Variants in CDH20 observed in about 807,000 individuals in gnomAD.
CDH20 encodes the protein cadherin-20.
In CDH20, 29 loss-of-function variants were observed where a neutral mutation model predicts 74.2. That is an observed-to-expected ratio of 0.39 (90% CI 0.29 to 0.53). The LOEUF is 0.53. CDH20 is among the 20% of genes least tolerant of loss of function. The pLI, the probability that CDH20 is intolerant of heterozygous loss-of-function variation, is 0.69. For missense variants in CDH20, 988 were observed against 1,048.3 expected (o/e 0.94, Z 0.79); for synonymous variants, 469 against 405.4 (o/e 1.16, Z -1.88).
chr18:61,537,581 A>C (rs1005768403), intron 8 of CDH20, among the ~76,000 whole-genome samples: 3 of 152,174 alleles, frequency 2.0e-5, no homozygotes, highest in Non-Finnish European at 4.4e-5. Context: ...TATTTTGCTT[A>C]AATGTAACTT....
intron 6 of CDH20, among the ~76,000 whole-genome samples, chr18:61,522,463 G>A (rs538722794): frequency 7.2e-5 from 11 of 152,178 alleles, no homozygotes; most frequent in Admixed American, 2.0e-4. Flanking sequence ...ATAGGAACAC[G>A]CAATATCGTG....
chr18:61,555,219 T>C lies in CDH20; in HGVS notation c.*524T>C, dbSNP rs186773185. 6 of 971,578 alleles carry C rather than the reference T, an allele frequency of 6.2e-6. No individual in the cohort carries two copies. Among genetic ancestry groups the C allele is most frequent in the Admixed American group, 1.6e-4 (2 of 12,484 alleles). 60.2% of individuals were successfully genotyped at this position (971,578 alleles called of 1,614,324 possible). On this transcript the variant is annotated 3_prime_UTR_variant, in exon 12 of 12. Transcript: ENST00000262717. ...ATTAACCTACTTGTTCTGGGATGGATGGAATTTCCCGTAACCCTTTTGAGA... is the reference window on the plus strand; with the variant it reads ...ATTAACCTACTTGTTCTGGGATGGACGGAATTTCCCGTAACCCTTTTGAGA...
chr18:61,338,025 A>G (rs935135788), intron 1 of CDH20, among the ~76,000 whole-genome samples: 32 of 152,248 alleles, frequency 2.1e-4, no homozygotes, highest in Admixed American at 2.0e-3. Flanking sequence ...ATAAAGAGAA[A>G]TACTTAGTTT....
At chr18:61,537,595 T>G (rs1259049139) in intron 8 of CDH20, among the ~76,000 whole-genome samples, 1 of 152,154 alleles carries the variant, frequency 6.6e-6, no homozygotes, top group African/African-American at 2.4e-5. Flanking sequence ...GTAACTTCTG[T>G]GTCAGGGGGA....
In CDH20 at chr18:61,541,948, T is replaced by C. The variant is rs191003512; in HGVS notation, c.1530+2803T>C. ...GAACAGAGAGCAGGAGAGCGGGCCA[T>C]GCGCTCCCAACCCAGACTTAGCGAT... On this transcript the variant is annotated intron_variant, in intron 9 of 11. Coordinates refer to ENST00000262717, the MANE Select transcript of CDH20 (RefSeq NM_031891.4). 3.9e-5 allele frequency among the ~76,000 whole-genome samples: 6 copies of C among 152,012 alleles called. No homozygotes were observed. The East Asian group carries it at 7.7e-4, about 20-fold the overall frequency.
At chr18:61,462,646 G>C (rs1205309296) in intron 1 of CDH20, among the ~76,000 whole-genome samples, 1 of 140,562 alleles carries the variant, frequency 7.1e-6, no homozygotes, top group Non-Finnish European at 1.5e-5. Flanking sequence ...TCACCAAAAG[G>C]AAACAGAAAT....
intron 1 of CDH20, among the ~76,000 whole-genome samples, chr18:61,390,121 A>G (rs1025166851): frequency 7.5e-5 from 11 of 147,398 alleles, no homozygotes; most frequent in African/African-American, 2.7e-4. Flanking sequence ...GGCAAGCTCC[A>G]CTGCTTCTGC....
intron 1 of CDH20, among the ~76,000 whole-genome samples, chr18:61,399,151 A>G (rs1248761862): frequency 6.6e-6 from 1 of 151,082 alleles, no homozygotes; most frequent in Non-Finnish European, 1.5e-5. Flanking sequence ...GCAGTGACCA[A>G]CCTCTCCGAT....
chr18:61,406,921 A>G (rs1291524660), intron 1 of CDH20, among the ~76,000 whole-genome samples: 2 of 152,226 alleles, frequency 1.3e-5, no homozygotes, highest in African/African-American at 4.8e-5. Context: ...TTATTATTGA[A>G]AAAGCATTGA....
chr18:61,361,761 T>C (rs1253861238), intron 1 of CDH20, among the ~76,000 whole-genome samples: 1 of 152,226 alleles, frequency 6.6e-6, no homozygotes, highest in Non-Finnish European at 1.5e-5. Context: ...TTTTTCATTT[T>C]GTTTTTCTAG....
At chr18:61,378,101 C>T (rs2144173008) in intron 1 of CDH20, among the ~76,000 whole-genome samples, 1 of 152,252 alleles carries the variant, frequency 6.6e-6, no homozygotes, top group South Asian at 2.1e-4. Context: ...TACTGAAGAA[C>T]AGATTGCTCA....
intron 1 of CDH20, among the ~76,000 whole-genome samples, chr18:61,461,913 CCAAT>C (rs1237173004): frequency 1.3e-5 from 2 of 152,098 alleles, no homozygotes; most frequent in East Asian, 3.9e-4. Flanking sequence ...CTTTCCACAA[CCAAT>C]CAGAGGCTAA....
At chr18:61,499,756 C>T (rs1209687844) in intron 3 of CDH20, among the ~76,000 whole-genome samples, 1 of 152,098 alleles carries the variant, frequency 6.6e-6, no homozygotes, top group African/African-American at 2.4e-5. Flanking sequence ...AAAATATTAG[C>T]TAGACAGATT....
At chr18:61,549,732 G>T (rs1478025451) in intron 10 of CDH20, 2 of 442,362 alleles carry the variant, frequency 4.5e-6, no homozygotes, top group African/African-American at 6.0e-5. Context: ...CAAAGGATAA[G>T]ACAGACTCAA....
intron 1 of CDH20, among the ~76,000 whole-genome samples, chr18:61,365,143 T>C (rs925380506): frequency 2.0e-5 from 3 of 152,184 alleles, no homozygotes; most frequent in African/African-American, 7.2e-5. Context: ...CTGTCCTTCA[T>C]TCTACTTTGC....
Position 61,550,133 on chromosome 18 carries a change from C to T in CDH20, c.1804C>T (p.His602Tyr). 1.9e-6 allele frequency: 3 copies of T among 1,614,204 alleles called. No individual in the cohort carries two copies. The highest frequency in any genetic ancestry group is 2.5e-6 in the Non-Finnish European group (3 of 1,180,036). Residue 602 changes from histidine (H) to tyrosine (Y), a missense_variant, in exon 11 of 12, where the codon CAC becomes TAC. By Grantham distance (83) the His-to-Tyr change is moderately conservative. This residue lies in a region of CDH20 where 375 missense variants were observed against 293.1 expected (regional missense o/e 1.28). Transcript: ENST00000262717. ...IQVCSCDDDG[H>Y]VMSCSPEAYM... ...AGTGTGCAGCTGTGATGACGACGGC[C>T]ACGTCATGTCCTGCAGCCCAGAGGC...
intron 1 of CDH20, among the ~76,000 whole-genome samples, chr18:61,397,096 T>C (rs924208049): frequency 2.6e-5 from 4 of 152,068 alleles, no homozygotes; most frequent in African/African-American, 9.7e-5. Flanking sequence ...GAGGTAGGTG[T>C]TGCTTCCATG....
intron 1 of CDH20, among the ~76,000 whole-genome samples, chr18:61,407,050 A>C (rs537666251): frequency 3.3e-4 from 50 of 152,242 alleles, no homozygotes; most frequent in Non-Finnish European, 6.9e-4. Context: ...ACTGCTCCTC[A>C]AGTAAGAGGA....
chr18:61,455,784 G>A (rs1311218131), intron 1 of CDH20, among the ~76,000 whole-genome samples: 1 of 152,136 alleles, frequency 6.6e-6, no homozygotes, highest in Non-Finnish European at 1.5e-5. Flanking sequence ...AACTCAAGTT[G>A]GAGAAGCAAG....
Sources: allele counts gnomAD v4.1 joint callset (sites outside exome capture counted in the v4.1 genomes callset), GRCh38; gene constraint gnomAD v4.1.1; regional missense constraint gnomAD v4.1.1; transcripts MANE v1.5; gene names NCBI Gene and HGNC (gene_info 2026-07-23, HGNC 2026-07-21).